AK4: variants seen among roughly 807,000 people sequenced by gnomAD.
AK4 encodes the protein adenylate kinase 4, mitochondrial.
AK4 carries 13 observed loss-of-function variants against 24.6 expected under a neutral mutation model. The ratio of observed to expected loss-of-function variants is 0.53; its 90% CI spans 0.34 to 0.84. The LOEUF (loss-of-function observed/expected upper bound fraction) is 0.84. AK4 is among the 40% of genes least tolerant of loss of function. The pLI is 0.01. For missense variants in AK4, 192 were observed against 288.2 expected, an observed-to-expected ratio of 0.67 and a Z score of 2.42; for synonymous variants, 88 against 107.0, an observed-to-expected ratio of 0.82 and a Z score of 1.10.
intron 2 of AK4, among the ~76,000 whole-genome samples, chr1:65,195,800 G>C (rs909464160): frequency 6.6e-6 from 1 of 152,114 alleles, no homozygotes; most frequent in Non-Finnish European, 1.5e-5. Flanking sequence ...AAGTTTTTTG[G>C]GTGGGGGTGA....
rs767021377 is a variant in AK4, at chr1:65,199,849, T to G, written c.265+9020T>G. 6.6e-5 allele frequency among the ~76,000 whole-genome samples: 10 copies of G among 152,198 alleles called. 1 individual carries two copies. The highest frequency in any genetic ancestry group is 6.5e-4 in the Admixed American group (10 of 15,288). ...AAATGCAAAATCTGAGATGCTCCAA[T>G]AGGCATTTTCTTTGAGGATCAAGTT... is the stretch of plus-strand genomic sequence containing the variant. On this transcript the variant is annotated intron_variant, in intron 2 of 4. Coordinates refer to ENST00000327299, the MANE Select transcript of AK4 (RefSeq NM_013410.4).
chr1:65,152,560 G>A (rs577234037), intron 1 of AK4, among the ~76,000 whole-genome samples: 4 of 151,034 alleles, frequency 2.6e-5, no homozygotes, highest in East Asian at 3.9e-4. Flanking sequence ...ACACCACCAC[G>A]TGTGGCTATT....
intron 3 of AK4, among the ~76,000 whole-genome samples, chr1:65,223,171 A>G (rs1652347480): frequency 6.6e-6 from 1 of 151,676 alleles, no homozygotes; most frequent in Non-Finnish European, 1.5e-5. Flanking sequence ...ACTAAAATAA[A>G]TGTTATTTTT....
In AK4 at chr1:65,229,096, C is replaced by G. The variant is rs1409787695; in HGVS notation, c.*2919C>G. On this transcript the variant is annotated 3_prime_UTR_variant, in exon 5 of 5. Coordinates refer to ENST00000327299, the MANE Select transcript of AK4 (RefSeq NM_013410.4). ...TCCCAGGGATGTGAAGCATCTTGCCCAGGCTTCTGCTGCTGGTGACCAGTG... is the reference window on the plus strand; with the variant it reads ...TCCCAGGGATGTGAAGCATCTTGCCGAGGCTTCTGCTGCTGGTGACCAGTG... 1 of 152,168 alleles carries G rather than the reference C, an allele frequency of 6.6e-6. No individual in the cohort carries two copies. The highest frequency in any genetic ancestry group is 1.5e-5 in the Non-Finnish European group (1 of 68,032). The allele number at this position is 152,168 out of a possible 1,614,324, so 9.4% of individuals were successfully genotyped here.
intron 2 of AK4, among the ~76,000 whole-genome samples, chr1:65,211,426 C>T (rs1409088021): frequency 6.6e-6 from 1 of 152,234 alleles, no homozygotes; most frequent in Non-Finnish European, 1.5e-5. Context: ...CAGGATCAGG[C>T]ATTTCTCCCT....
intron 2 of AK4, among the ~76,000 whole-genome samples, chr1:65,202,647 A>G (rs1175385657): frequency 6.6e-6 from 1 of 152,130 alleles, no homozygotes; most frequent in Non-Finnish European, 1.5e-5. Flanking sequence ...CAGGTAATTC[A>G]TCCAGTTCCT....
Position 65,226,948 on chromosome 1 carries a change from A to G in AK4, c.*771A>G, listed in dbSNP as rs1183513651. The G allele has an allele frequency of 6.7e-6, 1 of 148,360 alleles. No individual in the cohort carries two copies. Among genetic ancestry groups the G allele is most frequent in the East Asian group, 2.0e-4 (1 of 5,112 alleles). The allele number at this position is 148,360 out of a possible 1,614,324, so 9.2% of individuals were successfully genotyped here. ...CTCTGTATGCACTGAGAACTGAGCT[A>G]TGAAGAGGATCTTATTAAACTGCTG... On this transcript the variant is annotated 3_prime_UTR_variant, in exon 5 of 5. Transcript: ENST00000327299.
intron 1 of AK4, among the ~76,000 whole-genome samples, chr1:65,168,213 C>T (rs1328854229): frequency 3.4e-5 from 5 of 148,186 alleles, no homozygotes; most frequent in Non-Finnish European, 7.4e-5. Context: ...AATGGTGCGA[C>T]CTCAGCTTAT....
intron 2 of AK4, among the ~76,000 whole-genome samples, chr1:65,201,918 A>C (rs943417387): frequency 2.6e-5 from 4 of 152,240 alleles, no homozygotes; most frequent in African/African-American, 9.6e-5. Flanking sequence ...AGCTAAAAAT[A>C]TGAGCAGATG....
intron 2 of AK4, among the ~76,000 whole-genome samples, chr1:65,214,641 C>T (rs531264675): frequency 6.6e-6 from 1 of 152,276 alleles, no homozygotes; most frequent in East Asian, 1.9e-4. Flanking sequence ...AATGTGTCTA[C>T]CTTAAGGCTA....
At chr1:65,175,399 C>A (rs1650679061) in intron 1 of AK4, among the ~76,000 whole-genome samples, 1 of 152,212 alleles carries the variant, frequency 6.6e-6, no homozygotes, top group Non-Finnish European at 1.5e-5. Flanking sequence ...CAGTAGCAAT[C>A]CATCCTGTGT....
chr1:65,181,587 A>G (rs527551682), intron 1 of AK4, among the ~76,000 whole-genome samples: 12 of 152,118 alleles, frequency 7.9e-5, no homozygotes, highest in Admixed American at 3.9e-4. Flanking sequence ...GGGATTCGCC[A>G]TTGTTGGCCA....
At chr1:65,150,577 T>C (rs776272480) in intron 1 of AK4, among the ~76,000 whole-genome samples, 6 of 152,200 alleles carry the variant, frequency 3.9e-5, no homozygotes, top group African/African-American at 7.2e-5. Flanking sequence ...GAGAATCTTA[T>C]AGGCTTACTG....
rs1491183680 is a variant in AK4, at chr1:65,183,649, CCG to C, written c.146-7060_146-7059del. ...AATGGATTTTGTGCTATATAAATATCCGTGTGTGTGTGTGTGTGTGTGTGTGT... is the reference window on the plus strand; with the variant it reads ...AATGGATTTTGTGCTATATAAATATCTGTGTGTGTGTGTGTGTGTGTGTGT... On this transcript the variant is annotated intron_variant, in intron 1 of 4. Coordinates refer to ENST00000327299, the MANE Select transcript of AK4 (RefSeq NM_013410.4). 5.8e-3 allele frequency among the ~76,000 whole-genome samples: 653 copies of C among 111,708 alleles called. 4 individuals are homozygous for C. Among genetic ancestry groups the C allele is most frequent in the South Asian group, 0.016 (48 of 3,048 alleles). The allele number at this position is 111,708 out of a possible 152,430, so 73.3% of individuals were successfully genotyped here.
At chr1:65,154,756 T>C (rs542935904) in intron 1 of AK4, 1 of 267,742 alleles carries the variant, frequency 3.7e-6, no homozygotes, top group African/African-American at 2.2e-5. Context: ...CTTACAAATG[T>C]CATTGTGTAC....
In AK4 at chr1:65,190,695, T is replaced by C; in HGVS notation, c.146-15T>C. 2.5e-6 allele frequency: 4 copies of C among 1,604,112 alleles called. No individual in the cohort carries two copies. Among genetic ancestry groups the C allele is most frequent in the Non-Finnish European group, 3.4e-6 (4 of 1,177,266 alleles). On this transcript the variant is annotated splice_polypyrimidine_tract_variant and intron_variant, in intron 1 of 4. Coordinates refer to ENST00000327299, the MANE Select transcript of AK4 (RefSeq NM_013410.4). ...ATTTTCTTGAATACCTCTTTTTTTCTTGTCTTTTTAATAGAAGTTGGTGAG... is the reference window on the plus strand; with the variant it reads ...ATTTTCTTGAATACCTCTTTTTTTCCTGTCTTTTTAATAGAAGTTGGTGAG...
At chr1:65,182,812 C>T (rs1053790748) in intron 1 of AK4, among the ~76,000 whole-genome samples, 11 of 152,286 alleles carry the variant, frequency 7.2e-5, no homozygotes, top group African/African-American at 2.4e-4. Flanking sequence ...TTTGACTAAA[C>T]GCTTTCATTT....
At chr1:65,200,412 G>T (rs1222972427) in intron 2 of AK4, among the ~76,000 whole-genome samples, 1 of 152,176 alleles carries the variant, frequency 6.6e-6, no homozygotes, top group Non-Finnish European at 1.5e-5. Flanking sequence ...ACCGTGCCCG[G>T]TCTAGGTAAC....
intron 1 of AK4, among the ~76,000 whole-genome samples, chr1:65,165,359 C>A (rs1160147217): frequency 6.6e-6 from 1 of 152,048 alleles, no homozygotes; most frequent in Non-Finnish European, 1.5e-5. Flanking sequence ...ATGTAGGTAT[C>A]ATGTCTATGA....
Sources: allele counts gnomAD v4.1 joint callset (sites outside exome capture counted in the v4.1 genomes callset), GRCh38; gene constraint gnomAD v4.1.1; transcripts MANE v1.5; gene names NCBI Gene and HGNC (gene_info 2026-07-23, HGNC 2026-07-21).